Variants in CBR4 observed in about 807,000 individuals in gnomAD.
The protein encoded by CBR4 is carbonyl reductase 4.
In CBR4, 22 loss-of-function variants were observed where a neutral mutation model predicts 21.0. The ratio of observed to expected loss-of-function variants is 1.05; its 90% CI spans 0.75 to 1.50. The LOEUF is 1.50. Ranked by LOEUF, CBR4 falls within the 40% of genes most tolerant of loss-of-function variation. The pLI is 0.00. For missense variants in CBR4, 302 were observed against 286.3 expected (o/e 1.05, Z -0.40); for synonymous variants, 100 against 104.4 (o/e 0.96, Z 0.26).
chr4:168,979,395 C>A (rs1764471944), intron 2 of CBR4, among the ~76,000 whole-genome samples: 1 of 151,996 alleles, frequency 6.6e-6, no homozygotes, highest in South Asian at 2.1e-4. Context: ...AGCAACCAGA[C>A]TGTTTTCCAC....
chr4:168,998,506 T>C (rs982482697), intron 4 of CBR4, among the ~76,000 whole-genome samples: 7 of 152,166 alleles, frequency 4.6e-5, no homozygotes, highest in African/African-American at 7.2e-5. Context: ...GAAAGTAGTT[T>C]AGTGTACTGG....
chr4:168,934,108 A>T (rs1358858906), intron 2 of CBR4, among the ~76,000 whole-genome samples: 3 of 151,972 alleles, frequency 2.0e-5, no homozygotes, highest in African/African-American at 7.2e-5. Context: ...TCTAGGAAAA[A>T]ACTGGGCATA....
intron 2 of CBR4, among the ~76,000 whole-genome samples, chr4:168,898,949 G>C (rs1463759234): frequency 4.6e-5 from 7 of 152,158 alleles, no homozygotes; most frequent in Non-Finnish European, 8.8e-5. Context: ...CTAACAGGGA[G>C]CTCTTCACAC....
chr4:168,919,360 CTAAAA>C (rs1301561838), intron 2 of CBR4, among the ~76,000 whole-genome samples: 4 of 151,908 alleles, frequency 2.6e-5, no homozygotes, highest in Admixed American at 2.0e-4. Flanking sequence ...CCCGTCTCTA[CTAAAA>C]TACAAAAAAA....
At chr4:168,926,111 G>A in intron 2 of CBR4, 3 of 952,266 alleles carry the variant, frequency 3.2e-6, no homozygotes, top group East Asian at 5.3e-5. Flanking sequence ...ATGTGTTCAG[G>A]TGCCTTGCAT....
intron 2 of CBR4, among the ~76,000 whole-genome samples, chr4:168,975,299 T>C (rs755419806): frequency 5.3e-5 from 8 of 152,156 alleles, no homozygotes; most frequent in African/African-American, 9.7e-5. Flanking sequence ...ACCTGCTCCA[T>C]TGGAGGTGGC....
intron 2 of CBR4, among the ~76,000 whole-genome samples, chr4:168,962,078 T>C (rs1217605663): frequency 6.6e-6 from 1 of 151,114 alleles, no homozygotes; most frequent in Non-Finnish European, 1.5e-5. Flanking sequence ...AGAAAAAAGA[T>C]GTAAACAATT....
intron 2 of CBR4, among the ~76,000 whole-genome samples, chr4:168,917,788 T>G (rs1004003088): frequency 1.3e-5 from 2 of 152,158 alleles, no homozygotes; most frequent in African/African-American, 4.8e-5. Flanking sequence ...TGTGTTTCAG[T>G]CTGTATATAT....
At position 168,990,388 on chromosome 4, in the gene CBR4, C is replaced by CA. The variant is rs199605806; in HGVS notation, c.536-61dup. On this transcript the variant is annotated intron_variant, in intron 4 of 4. Transcript: ENST00000306193. ...ACACACTAAGACATCTGCTGAATTT[C>CA]AAAAAAAATAATAAATTTGTTTCTG... 558 of 1,299,814 alleles carry CA rather than the reference C, an allele frequency of 4.3e-4. No homozygotes were observed. In the East Asian group the frequency reaches 0.013, roughly 30 times the overall value. The allele number at this position is 1,299,814 out of a possible 1,614,324, so 80.5% of individuals were successfully genotyped here.
chr4:168,976,728 A>G (rs1764383838), intron 2 of CBR4, among the ~76,000 whole-genome samples: 1 of 152,254 alleles, frequency 6.6e-6, no homozygotes, highest in Admixed American at 6.5e-5. Context: ...GGAATATCGC[A>G]AAGTATATTA....
chr4:168,996,794 T>C (rs1765225624), intron 4 of CBR4, among the ~76,000 whole-genome samples: 1 of 152,232 alleles, frequency 6.6e-6, no homozygotes, highest in Admixed American at 6.5e-5. Context: ...AGCTAGTCTC[T>C]AATGATAAAT....
chr4:168,934,501 G>A (rs1433329528), intron 2 of CBR4, among the ~76,000 whole-genome samples: 1 of 151,896 alleles, frequency 6.6e-6, no homozygotes, highest in Non-Finnish European at 1.5e-5. Flanking sequence ...AAAAGGAGCT[G>A]TCACAACTGA....
chr4:168,943,421 G>A (rs1008968333), intron 2 of CBR4, among the ~76,000 whole-genome samples: 1 of 152,166 alleles, frequency 6.6e-6, no homozygotes, highest in Non-Finnish European at 1.5e-5. Flanking sequence ...AAGCACCCAG[G>A]AGCAAAGCCA....
At chr4:168,965,434 C>T (rs548696871) in intron 2 of CBR4, among the ~76,000 whole-genome samples, 2 of 152,244 alleles carry the variant, frequency 1.3e-5, no homozygotes, top group African/African-American at 4.8e-5. Context: ...AAAGAGCCCA[C>T]ATAGCCAAGA....
Position 168,988,106 on chromosome 4 carries a change from A to AT in CBR4, c.*2043dup. The AT allele has an allele frequency of 1.0e-6, 1 of 985,422 alleles. No individual in the cohort carries two copies. The highest frequency in any genetic ancestry group is 4.7e-5 in the South Asian group (1 of 21,290). 61.0% of individuals were successfully genotyped at this position (985,422 alleles called of 1,614,324 possible). ...CACTGAGGTTCTTAAACCTCTGAAC[A>AT]TAAGGCAACAGTTCACAACTGATTT... On this transcript the variant is annotated 3_prime_UTR_variant, in exon 5 of 5. Transcript: ENST00000306193.
intron 2 of CBR4, among the ~76,000 whole-genome samples, chr4:168,967,276 T>C (rs991373624): frequency 6.6e-6 from 1 of 152,052 alleles, no homozygotes; most frequent in African/African-American, 2.4e-5. Context: ...AAACACCGCA[T>C]GTTCTCACTC....
intron 2 of CBR4, among the ~76,000 whole-genome samples, chr4:168,947,401 C>T (rs1205357582): frequency 6.6e-6 from 1 of 151,970 alleles, no homozygotes. Context: ...TTCTTTTTCC[C>T]CATAGGTTAC....
intron 4 of CBR4, chr4:169,001,581 T>C (rs1472609185): frequency 6.6e-6 from 1 of 152,430 alleles, no homozygotes; most frequent in African/African-American, 2.4e-5. Context: ...TGGAGGCGGA[T>C]TCCTCATGAA....
At chr4:168,903,494 C>T (rs1304697390) in intron 2 of CBR4, among the ~76,000 whole-genome samples, 1 of 151,850 alleles carries the variant, frequency 6.6e-6, no homozygotes, top group Admixed American at 6.6e-5. Context: ...TCAATATATC[C>T]CTTCATATAA....
Sources: allele counts gnomAD v4.1 joint callset (sites outside exome capture counted in the v4.1 genomes callset), GRCh38; gene constraint gnomAD v4.1.1; transcripts MANE v1.5; gene names NCBI Gene and HGNC (gene_info 2026-07-23, HGNC 2026-07-21).